The following TMPRSS15 variants were observed in gnomAD, a reference collection of about 807,000 sequenced individuals.
The protein encoded by TMPRSS15 is transmembrane serine protease 15.
TMPRSS15 carries 128 observed loss-of-function variants against 125.3 expected under a neutral mutation model. The ratio of observed to expected loss-of-function variants is 1.02; its 90% confidence interval spans 0.89 to 1.18. The LOEUF (loss-of-function observed/expected upper bound fraction) is 1.18. TMPRSS15 is among the 50% of genes most tolerant of loss of function. The probability of loss-of-function intolerance (pLI) is 0.00; values close to 1 mark genes in which losing one functional copy is unlikely to be tolerated. For synonymous variants in TMPRSS15, 446 were observed against 423.2 expected (o/e 1.05, Z -0.66); for missense variants, 1,283 against 1,212.7 (o/e 1.06, Z -0.86).
chr21:18,420,801 T>C (rs918672163), intron 1 of TMPRSS15, among the ~76,000 whole-genome samples: 9 of 152,164 alleles, frequency 5.9e-5, no homozygotes, highest in Non-Finnish European at 1.2e-4. Flanking sequence ...CTGCACTGAG[T>C]CACAGCAATA....
At chr21:18,399,780 A>G (rs2076077882) in intron 1 of TMPRSS15, among the ~76,000 whole-genome samples, 1 of 152,148 alleles carries the variant, frequency 6.6e-6, no homozygotes, top group Admixed American at 6.5e-5. Flanking sequence ...GTCTAAAGTG[A>G]AGTCAAAAAA....
At chr21:18,396,847 T>TATCTATCTATCAATC (rs200141519) in intron 3 of TMPRSS15, among the ~76,000 whole-genome samples, 29 of 139,412 alleles carry the variant, frequency 2.1e-4, no homozygotes, top group African/African-American at 6.2e-4. Context: ...TCTATCTATC[T>TATCTATCTATCAATC]ATCTTAAGTC....
chr21:18,276,622 G>A (rs752842815), intron 23 of TMPRSS15, among the ~76,000 whole-genome samples: 1 of 152,104 alleles, frequency 6.6e-6, no homozygotes, highest in Non-Finnish European at 1.5e-5. Flanking sequence ...GAACATTTGA[G>A]CAGTGTCTGT....
chr21:18,478,536 C>T (rs1978922060), intron 1 of TMPRSS15, among the ~76,000 whole-genome samples: 1 of 151,962 alleles, frequency 6.6e-6, no homozygotes, highest in Admixed American at 6.6e-5. Context: ...TTTATGTGAA[C>T]TCCAGACATT....
intron 3 of TMPRSS15, among the ~76,000 whole-genome samples, chr21:18,389,487 A>G (rs1225272754): frequency 1.3e-5 from 2 of 152,166 alleles, no homozygotes; most frequent in Non-Finnish European, 2.9e-5. Context: ...AGTTATAAAG[A>G]GGGGAAAGAA....
At chr21:18,282,588 G>A (rs532598490) in intron 21 of TMPRSS15, among the ~76,000 whole-genome samples, 67 of 152,300 alleles carry the variant, frequency 4.4e-4, no homozygotes, top group Non-Finnish European at 8.2e-4. Flanking sequence ...GCCAGTGAGC[G>A]TCCAAGCATT....
chr21:18,271,768 C>T (rs993322789), intron 24 of TMPRSS15, among the ~76,000 whole-genome samples: 4 of 152,038 alleles, frequency 2.6e-5, no homozygotes, highest in Admixed American at 2.6e-4. Flanking sequence ...GTGTTGTTCC[C>T]TGTCCTGTGT....
Position 18,269,874 on chromosome 21 carries a change from CT to C in TMPRSS15, c.*94del. 6.6e-7 allele frequency: 1 copy of C among 1,503,860 alleles called. No homozygotes were observed. Among genetic ancestry groups the C allele is most frequent in the Non-Finnish European group, 9.1e-7 (1 of 1,104,246 alleles). 93.2% of individuals were successfully genotyped at this position (1,503,860 alleles called of 1,614,324 possible). On this transcript the variant is annotated 3_prime_UTR_variant, in exon 25 of 25. Transcript: ENST00000284885. ...AGGTAAGAATAAAAACCTTTGGTAA[CT>C]TTTTAAAATTTTTGTACGAAACACT...
At chr21:18,274,491 G>A (rs554328044) in intron 24 of TMPRSS15, among the ~76,000 whole-genome samples, 127 of 152,304 alleles carry the variant, frequency 8.3e-4, no homozygotes, top group Non-Finnish European at 1.1e-3. Context: ...AAGTTACTAC[G>A]TGGGTAAGAG....
intron 1 of TMPRSS15, among the ~76,000 whole-genome samples, chr21:18,465,658 A>G (rs1978645459): frequency 6.6e-6 from 1 of 152,174 alleles, no homozygotes; most frequent in South Asian, 2.1e-4. Context: ...ACTCCCATTC[A>G]CAATTGTTAC....
chr21:18,435,929 G>A (rs2076226822), intron 1 of TMPRSS15, among the ~76,000 whole-genome samples: 2 of 151,260 alleles, frequency 1.3e-5, no homozygotes. Flanking sequence ...AGAGGTGTTT[G>A]TAGTATTCTC....
intron 1 of TMPRSS15, among the ~76,000 whole-genome samples, chr21:18,399,168 A>C (rs183692882): frequency 1.2e-4 from 19 of 152,210 alleles, no homozygotes; most frequent in Admixed American, 9.2e-4. Context: ...ATCTGGTGCG[A>C]GAAGACGTAG....
At chr21:18,343,121 CATAGA>C (rs1046907372) in intron 12 of TMPRSS15, among the ~76,000 whole-genome samples, 17 of 151,982 alleles carry the variant, frequency 1.1e-4, no homozygotes, top group South Asian at 8.3e-4. Flanking sequence ...TGGGCATAGG[CATAGA>C]AAAGGGCAGG....
At chr21:18,469,995 C>A (rs1434719644) in intron 1 of TMPRSS15, among the ~76,000 whole-genome samples, 2 of 151,844 alleles carry the variant, frequency 1.3e-5, no homozygotes, top group Admixed American at 6.6e-5. Context: ...ATAAATTGTC[C>A]TAAATATATT....
At position 18,326,553 on chromosome 21, in the gene TMPRSS15, G is replaced by T; in HGVS notation, c.1800C>A (p.Gly600=). ...TGGTAGAGAACACATCCTTTACTGG[G>T]CCAGGCCCTGTGTACACAGCTGTTC... ...SLLLAVYTGP[G]PVKDVFSTTN... Residue 600 remains glycine, a synonymous_variant, in exon 16 of 25, where the codon GGC becomes GGA. Coordinates refer to ENST00000284885, the MANE Select transcript of TMPRSS15 (RefSeq NM_002772.3). 2 of 1,614,042 alleles carry T rather than the reference G, an allele frequency of 1.2e-6. No individual in the cohort carries two copies. The highest frequency in any genetic ancestry group is 1.7e-5 in the Admixed American group (1 of 60,008).
chr21:18,396,883 A>T (rs1409032019), intron 3 of TMPRSS15, among the ~76,000 whole-genome samples: 1 of 151,034 alleles, frequency 6.6e-6, no homozygotes, highest in African/African-American at 2.4e-5. Context: ...TGAAATAGAG[A>T]TTCAACCAGT....
At chr21:18,369,985 A>AAAG (rs1555905783) in intron 6 of TMPRSS15, among the ~76,000 whole-genome samples, 1 of 151,424 alleles carries the variant, frequency 6.6e-6, no homozygotes, top group Non-Finnish European at 1.5e-5. Context: ...AAAAAAAAAA[A>AAAG]AAAGAAAATC....
intron 1 of TMPRSS15, among the ~76,000 whole-genome samples, chr21:18,472,987 G>A (rs2824843): frequency 0.59 from 89,312 of 151,946 alleles, 27,090 homozygotes; most frequent in East Asian, 0.89. Context: ...TTTGTATCCA[G>A]ATGAATTCCA....
At chr21:18,466,964 G>C (rs908915048) in intron 1 of TMPRSS15, among the ~76,000 whole-genome samples, 2 of 152,160 alleles carry the variant, frequency 1.3e-5, no homozygotes, top group African/African-American at 4.8e-5. Context: ...GCACATGTAT[G>C]TTTATTGCAG....
Sources: allele counts gnomAD v4.1 joint callset (sites outside exome capture counted in the v4.1 genomes callset), GRCh38; gene constraint gnomAD v4.1.1; transcripts MANE v1.5; gene names NCBI Gene and HGNC (gene_info 2026-07-23, HGNC 2026-07-21).